EFR3B: variants seen among roughly 807,000 people sequenced by gnomAD.
EFR3B encodes the protein protein EFR3 homolog B.
Under a neutral mutation model 104.7 loss-of-function variants are expected in EFR3B, and 64 were observed. The observed-to-expected ratio is 0.61, with a 90% CI of 0.50 to 0.75. The LOEUF is 0.75. EFR3B is among the 30% of genes least tolerant of loss of function. The pLI, the probability that EFR3B is intolerant of heterozygous loss-of-function variation, is 0.00. For missense variants in EFR3B, 750 were observed against 1,078.5 expected (o/e 0.70, Z 4.27); for synonymous variants, 385 against 417.9 (o/e 0.92, Z 0.96).
chr2:25,134,837 G>C (rs1190501622), intron 12 of EFR3B, among the ~76,000 whole-genome samples: 1 of 152,146 alleles, frequency 6.6e-6, no homozygotes, highest in Non-Finnish European at 1.5e-5. Context: ...GGGACCTTCT[G>C]AATCATCAAA....
intron 1 of EFR3B, among the ~76,000 whole-genome samples, chr2:25,060,778 G>A (rs946409066): frequency 8.6e-5 from 13 of 151,902 alleles, no homozygotes; most frequent in African/African-American, 2.2e-4. Flanking sequence ...AAAATTAGCC[G>A]GGCATGGTGG....
intron 4 of EFR3B, among the ~76,000 whole-genome samples, chr2:25,105,947 A>G (rs1441878830): frequency 6.6e-6 from 1 of 152,256 alleles, no homozygotes; most frequent in Non-Finnish European, 1.5e-5. Context: ...GACAATGAAG[A>G]TGATATAAGG....
At chr2:25,084,101 G>A (rs1668883148) in intron 1 of EFR3B, among the ~76,000 whole-genome samples, 1 of 152,084 alleles carries the variant, frequency 6.6e-6, no homozygotes, top group Non-Finnish European at 1.5e-5. Context: ...GTGGCTCTAG[G>A]CAGGTAACTT....
intron 21 of EFR3B, among the ~76,000 whole-genome samples, chr2:25,152,847 T>TAA (rs1262633943): frequency 6.7e-6 from 1 of 150,032 alleles, no homozygotes; most frequent in South Asian, 2.1e-4. Context: ...TGTGTGTATA[T>TAA]AAAACACATA....
chr2:25,079,195 TA>T (rs1668719641), intron 1 of EFR3B, among the ~76,000 whole-genome samples: 1 of 152,190 alleles, frequency 6.6e-6, no homozygotes, highest in African/African-American at 2.4e-5. Flanking sequence ...TGAAGCAAAC[TA>T]AATTAAATAT....
intron 5 of EFR3B, among the ~76,000 whole-genome samples, chr2:25,126,654 C>A (rs1314462321): frequency 1.3e-5 from 2 of 151,954 alleles, no homozygotes; most frequent in African/African-American, 4.8e-5. Context: ...GTCACCGCGC[C>A]CGGCCTAATG....
In EFR3B at chr2:25,057,424, C is replaced by A. The variant is rs1292302733; in HGVS notation, c.7+15105C>A. 8.1e-4 allele frequency among the ~76,000 whole-genome samples: 121 copies of A among 149,510 alleles called. No individual in the cohort carries two copies. In the East Asian group the frequency reaches 0.017, roughly 21 times the overall value. On this transcript the variant is annotated intron_variant, in intron 1 of 22. Transcript: ENST00000403714. ...GTGGCATGGCTAACAAAAAAAAAAA[C>A]AAAAAACAGATCTGTTTTATTCCAA...
At chr2:25,091,057 C>T (rs1331408313) in intron 1 of EFR3B, among the ~76,000 whole-genome samples, 2 of 152,200 alleles carry the variant, frequency 1.3e-5, no homozygotes, top group Non-Finnish European at 2.9e-5. Flanking sequence ...TGTGGCCTGG[C>T]CTTGCATATG....
intron 1 of EFR3B, among the ~76,000 whole-genome samples, chr2:25,088,773 A>G (rs1173044663): frequency 1.3e-5 from 2 of 152,122 alleles, no homozygotes; most frequent in African/African-American, 4.8e-5. Flanking sequence ...CCAGGATTTG[A>G]CCTGAGAGCC....
intron 1 of EFR3B, among the ~76,000 whole-genome samples, chr2:25,062,954 C>T (rs918512003): frequency 2.6e-5 from 4 of 151,558 alleles, no homozygotes; most frequent in African/African-American, 7.3e-5. Flanking sequence ...AGACAAGTCT[C>T]GCTCTGTCGC....
chr2:25,065,382 G>A (rs1044725908), intron 1 of EFR3B, among the ~76,000 whole-genome samples: 1 of 133,052 alleles, frequency 7.5e-6, no homozygotes, highest in Admixed American at 8.2e-5. Context: ...GTTCAGATGA[G>A]TTCTCACTGC....
chr2:25,065,346 ATTTTT>A (rs749717958), intron 1 of EFR3B, among the ~76,000 whole-genome samples: 2 of 93,350 alleles, frequency 2.1e-5, no homozygotes, highest in Non-Finnish European at 2.0e-5. Context: ...ACACCCAGCT[ATTTTT>A]TTTTTTTTTT....
At chr2:25,147,717 A>G (rs1306397528) in intron 19 of EFR3B, 3 of 152,142 alleles carry the variant, frequency 2.0e-5, no homozygotes, top group Non-Finnish European at 4.4e-5. Context: ...GCTTAAGATT[A>G]TGTTTAAATG....
At chr2:25,128,804 T>G (rs1573223513) in intron 6 of EFR3B, among the ~76,000 whole-genome samples, 2 of 148,746 alleles carry the variant, frequency 1.3e-5, no homozygotes, top group Non-Finnish European at 3.0e-5. Flanking sequence ...TAAAAAAAAA[T>G]GCAAAAAAAT....
intron 3 of EFR3B, among the ~76,000 whole-genome samples, chr2:25,097,198 A>G (rs538712757): frequency 1.3e-5 from 2 of 152,224 alleles, no homozygotes; most frequent in Non-Finnish European, 2.9e-5. Flanking sequence ...AAAATTTAGT[A>G]CCATTCTGTT....
intron 1 of EFR3B, 104 bp from the exon 2 acceptor site, chr2:25,091,221 C>A: frequency 9.1e-7 from 1 of 1,093,518 alleles, no homozygotes; most frequent in Non-Finnish European, 1.3e-6. Flanking sequence ...CTGATTCCAG[C>A]CTGTCTGTTT....
chr2:25,102,933 CA>C (rs1433364025), intron 3 of EFR3B, among the ~76,000 whole-genome samples: 1 of 152,148 alleles, frequency 6.6e-6, no homozygotes, highest in Admixed American at 6.5e-5. Context: ...TGCTGCCAAC[CA>C]TATTGCTTGC....
rs1671104843 is a variant in EFR3B, at chr2:25,154,456, G to A, written c.*116G>A. 1.0e-6 allele frequency: 1 copy of A among 984,504 alleles called. No individual in the cohort carries two copies. Among genetic ancestry groups the A allele is most frequent in the South Asian group, 1.6e-5 (1 of 62,172 alleles). The allele number at this position is 984,504 out of a possible 1,614,324, so 61.0% of individuals were successfully genotyped here. A position where few individuals can be genotyped will look rare whatever the true frequency, so the allele number is the denominator to read the frequency against. On this transcript the variant is annotated 3_prime_UTR_variant, in exon 23 of 23. Coordinates refer to ENST00000403714, the MANE Select transcript of EFR3B (RefSeq NM_014971.2). This position sits in a 1 kb window ranked among gnomAD's most constrained non-coding sequence, Gnocchi z 4.1. ...CTCTGAGAAAACATCACCTTAGATG[G>A]CAGCGCCTCCCAGGCTAAGCCAAGG...
In EFR3B at chr2:25,136,808, C is replaced by A. The variant is rs938687580; in HGVS notation, c.1560+210C>A. Among the ~76,000 whole-genome samples, 1 of 151,982 alleles carries A rather than the reference C, an allele frequency of 6.6e-6. No homozygotes were observed. The highest frequency in any genetic ancestry group is 1.5e-5 in the Non-Finnish European group (1 of 67,986). ...GTGGGCACCTGCAATCCCAGCTACT[C>A]GGGAGGCTGAGGCAGGAGAATCGCT... On this transcript the variant is annotated intron_variant, in intron 14 of 22. Transcript: ENST00000403714. The surrounding 1 kb of genome is among the most constrained non-coding windows in gnomAD (Gnocchi z 4.0).
Sources: allele counts gnomAD v4.1 joint callset (sites outside exome capture counted in the v4.1 genomes callset), GRCh38; gene constraint gnomAD v4.1.1; non-coding constraint Gnocchi (gnomAD v3.1); transcripts MANE v1.5; gene names NCBI Gene and HGNC (gene_info 2026-07-23, HGNC 2026-07-21).